EOMES: variants seen among roughly 807,000 people sequenced by gnomAD.
The protein encoded by EOMES is eomesodermin.
Under a neutral mutation model 61.0 loss-of-function variants are expected in EOMES, and 18 were observed. The ratio of observed to expected loss-of-function variants is 0.30; its 90% CI spans 0.20 to 0.44. The LOEUF (loss-of-function observed/expected upper bound fraction) is 0.44. Ranked by LOEUF, EOMES falls within the 20% of genes least tolerant of loss-of-function variation. The pLI is 1.00. For synonymous variants in EOMES, 430 were observed against 394.0 expected, an observed-to-expected ratio of 1.09 and a Z score of -1.08; for missense variants, 885 against 939.2, an observed-to-expected ratio of 0.94 and a Z score of 0.75.
Position 27,717,138 on chromosome 3 carries a change from C to T in EOMES, c.2050G>A (p.Ala684Thr). Residue 684 changes from alanine to threonine, a missense_variant, in exon 6 of 6, where the codon GCT becomes ACT. Transcript: ENST00000449599. This position sits in a 1 kb window ranked among gnomAD's most constrained non-coding sequence, Gnocchi z 4.5. The part of the protein sequence containing the change: ...SPSIKCEDIN[A>T]EEYSKDTSKG... ...GAGGTGTCTTTACTATACTCTTCAG[C>T]ATTAATGTCCTCACACTTTATGGAG... 1 of 1,612,142 alleles carries T rather than the reference C, an allele frequency of 6.2e-7. No homozygotes were observed. Among genetic ancestry groups the T allele is most frequent in the Non-Finnish European group, 8.5e-7 (1 of 1,178,144 alleles).
chr3:27,721,599 C>G lies in EOMES; in HGVS notation c.696G>C (p.Gln232His). ...SGGGGGPGTY[Q>H]YSQGAPLYGP... ...CGTAGAGCGGAGCCCCCTGGCTGTACTGATAGGTGCCCGGGCCGCCGCCCC... is the reference window on the plus strand; with the variant it reads ...CGTAGAGCGGAGCCCCCTGGCTGTAGTGATAGGTGCCCGGGCCGCCGCCCC... The change falls in exon 1 of 6, where the codon CAG becomes CAC. Residue 232 changes from glutamine (Q) to histidine (H), a missense_variant. By Grantham distance (24) the Gln-to-His change is conservative. This residue lies in a region of EOMES where 449 missense variants were observed against 383.6 expected (regional missense o/e 1.17). Transcript: ENST00000449599. The surrounding 1 kb of genome is among the most constrained non-coding windows in gnomAD (Gnocchi z 7.4). 1 of 1,558,026 alleles carries G rather than the reference C, an allele frequency of 6.4e-7. No homozygotes were observed. The highest frequency in any genetic ancestry group is 8.7e-7 in the Non-Finnish European group (1 of 1,154,102).
rs1304773715 is a variant in EOMES at position 27,721,151 on chromosome 3, C to A, written c.881+263G>T. 1.3e-5 allele frequency among the ~76,000 whole-genome samples: 2 copies of A among 152,152 alleles called. No homozygotes were observed. The highest frequency in any genetic ancestry group is 4.8e-5 in the African/African-American group (2 of 41,444). ...ATGCCCTAATTTCCATTTCCGCCTC[C>A]TCCAGGTCTGTTCAGGTGAGGATGA... is the stretch of plus-strand genomic sequence containing the variant. On this transcript the variant is annotated intron_variant, in intron 1 of 5. Coordinates refer to ENST00000449599, the MANE Select transcript of EOMES (RefSeq NM_001278182.2). This position sits in a 1 kb window ranked among gnomAD's most constrained non-coding sequence, Gnocchi z 7.4.
Position 27,721,349 on chromosome 3 carries a change from C to A in EOMES, c.881+65G>T. The A allele has an allele frequency of 7.1e-7, 1 of 1,404,866 alleles. No individual in the cohort carries two copies. The allele number at this position is 1,404,866 out of a possible 1,614,324, so 87.0% of individuals were successfully genotyped here. The stretch of plus-strand genomic sequence containing the variant: ...CTGGGTTCAGCTCCCTCATCCCGGA[C>A]CTTCCCCAGGACCACACGTCACCCT... On this transcript the variant is annotated intron_variant, in intron 1 of 5. Transcript: ENST00000449599. The surrounding 1 kb of genome is among the most constrained non-coding windows in gnomAD (Gnocchi z 7.4).
chr3:27,722,518 A>C (rs968105309), upstream of EOMES: 1 of 1,347,704 alleles, frequency 7.4e-7, no homozygotes, highest in Admixed American at 3.9e-5. Context: ...GTTGGAAAGC[A>C]GGAGGTGGAA....
rs2060610454 is a variant in EOMES, at chr3:27,721,263, ATGCGG to A, written c.881+146_881+150del. 1.6e-6 allele frequency: 1 copy of A among 634,546 alleles called. No individual in the cohort carries two copies. The highest frequency in any genetic ancestry group is 1.8e-5 in the African/African-American group (1 of 54,190). The allele number at this position is 634,546 out of a possible 1,614,324, so 39.3% of individuals were successfully genotyped here. Reference sequence around the variant, plus strand: ...GACACAGAGGGACACCGCATTGGAGATGCGGTGTCTACGGAGATTTATTGCGCGCG... The same window carrying A: ...GACACAGAGGGACACCGCATTGGAGATGTCTACGGAGATTTATTGCGCGCG... On this transcript the variant is annotated intron_variant, in intron 1 of 5. Coordinates refer to ENST00000449599, the MANE Select transcript of EOMES (RefSeq NM_001278182.2). The surrounding 1 kb of genome is among the most constrained non-coding windows in gnomAD (Gnocchi z 7.4).
At chr3:27,720,927 C>T (rs1274697398) in intron 1 of EOMES, among the ~76,000 whole-genome samples, 1 of 152,044 alleles carries the variant, frequency 6.6e-6, no homozygotes, top group Admixed American at 6.5e-5. Flanking sequence ...ACCGAGCTTC[C>T]GAGGCCGGCG....
Position 27,719,495 on chromosome 3 carries a change from A to G in EOMES, c.1037-14T>C, listed in dbSNP as rs779409508. On this transcript the variant is annotated splice_polypyrimidine_tract_variant and intron_variant, in intron 2 of 5. Coordinates refer to ENST00000449599, the MANE Select transcript of EOMES (RefSeq NM_001278182.2). ...ACATTTTGTTGCCTAAGAGAAAATG[A>G]AACAAAACACAAAACCCAAGCATAT... The G allele has an allele frequency of 2.5e-6, 4 of 1,612,226 alleles. No homozygotes were observed. The South Asian group carries it at 4.4e-5, about 18-fold the overall frequency.
At chr3:27,719,519 A>G in intron 2 of EOMES, 38 bp from the exon 3 acceptor site, 3 of 1,599,886 alleles carry the variant, frequency 1.9e-6, no homozygotes, top group Non-Finnish European at 2.6e-6. Context: ...ACCCAAGCAT[A>G]TAGGGCTGTT....
intron 1 of EOMES, among the ~76,000 whole-genome samples, chr3:27,720,643 C>G (rs552741829): frequency 6.4e-4 from 96 of 149,572 alleles, no homozygotes; most frequent in African/African-American, 2.2e-3. Flanking sequence ...CCCTTTCAGA[C>G]GCTCTTAAAA....
chr3:27,722,336 C>G, upstream of EOMES: 1 of 1,465,328 alleles, frequency 6.8e-7, no homozygotes, highest in Non-Finnish European at 9.0e-7. Flanking sequence ...TTCCTCTCCT[C>G]CGGTGGCCTT....
In EOMES at chr3:27,721,935, G is replaced by A. The variant is rs916686138; in HGVS notation, c.360C>T (p.Ala120=). ...GEEELPSAAA[A]AAAAAAAAAA... ...CAGCCGCGGCGGCGGCGGCGGCGGC[G>A]GCTGCAGCGGCGGAGGGCAGCTCCT... The change falls in exon 1 of 6, where the codon GCC becomes GCT. Residue 120 remains alanine, a synonymous_variant. Transcript: ENST00000449599. This position sits in a 1 kb window ranked among gnomAD's most constrained non-coding sequence, Gnocchi z 7.4. 580 of 1,370,354 alleles carry A rather than the reference G, an allele frequency of 4.2e-4. 4 individuals carry two copies. Among genetic ancestry groups the A allele is most frequent in the Non-Finnish European group, 5.2e-4 (562 of 1,073,662 alleles). 84.9% of individuals were successfully genotyped at this position (1,370,354 alleles called of 1,614,324 possible). A position where few individuals can be genotyped will look rare whatever the true frequency, so the allele number is the denominator to read the frequency against.
At position 27,717,036 on chromosome 3, in the gene EOMES, A is replaced by G. The variant is rs774720056; in HGVS notation, c.*34T>C. The G allele has an allele frequency of 2.6e-6, 4 of 1,546,568 alleles. No individual in the cohort carries two copies. The highest frequency in any genetic ancestry group is 1.4e-5 in the African/African-American group (1 of 72,912). On this transcript the variant is annotated 3_prime_UTR_variant, in exon 6 of 6. Transcript: ENST00000449599. This position sits in a 1 kb window ranked among gnomAD's most constrained non-coding sequence, Gnocchi z 4.5. ...AAAACACCACCAAGTCCATCTGCAA[A>G]AAGTTAGCTAATTTTTGAGGTTAAA...
chr3:27,718,314 T>G (rs927308481), intron 5 of EOMES, among the ~76,000 whole-genome samples: 5 of 152,076 alleles, frequency 3.3e-5, no homozygotes, highest in Admixed American at 1.3e-4. Context: ...GAAAGGTATA[T>G]ATAAATGCAG....
rs765210214 is a variant in EOMES at position 27,722,148 on chromosome 3, G to A, written c.147C>T (p.Asp49=). 2.5e-6 allele frequency: 4 copies of A among 1,569,576 alleles called. No individual in the cohort carries two copies. The South Asian group carries it at 4.7e-5, about 18-fold the overall frequency. The part of the protein sequence containing the change: ...AAPSPQKLDL[D]KASKKFSGSL... ...TGCCGGAAAACTTCTTGGACGCTTTGTCTAAGTCCAACTTCTGAGGAGAGG... is the reference window on the plus strand; with the variant it reads ...TGCCGGAAAACTTCTTGGACGCTTTATCTAAGTCCAACTTCTGAGGAGAGG... The change falls in exon 1 of 6, where the codon GAC becomes GAT. Residue 49 remains aspartate, a synonymous_variant. Transcript: ENST00000449599.
At position 27,717,218 on chromosome 3, in the gene EOMES, C is replaced by T; in HGVS notation, c.1970G>A (p.Ser657Asn). The change falls in exon 6 of 6, where the codon AGT becomes AAT. Residue 657 changes from serine (S) to asparagine (N), a missense_variant. Physicochemically the swap from Ser to Asn is conservative, Grantham distance 46 (BLOSUM62 1). This residue lies in a region of EOMES where 259 missense variants were observed against 282.3 expected (regional missense o/e 0.92). Coordinates refer to ENST00000449599, the MANE Select transcript of EOMES (RefSeq NM_001278182.2). This position sits in a 1 kb window ranked among gnomAD's most constrained non-coding sequence, Gnocchi z 4.5. ...AGACAGCCGCCTTCGCTTACAAGCA[C>T]TGGTGTATACTCCTGAATCATTGGA... Reference protein sequence around the residue: ...LDSNDSGVYTSACKRRRLSPS... With the variant: ...LDSNDSGVYTNACKRRRLSPS... The T allele has an allele frequency of 6.2e-7, 1 of 1,613,280 alleles. No homozygotes were observed. Among genetic ancestry groups the T allele is most frequent in the Non-Finnish European group, 8.5e-7 (1 of 1,179,168 alleles).
At position 27,721,346 on chromosome 3, in the gene EOMES, G is replaced by A. The variant is rs1576805303; in HGVS notation, c.881+68C>T. 3.6e-6 allele frequency: 5 copies of A among 1,378,086 alleles called. No individual in the cohort carries two copies. Among genetic ancestry groups the A allele is most frequent in the Non-Finnish European group, 3.0e-6 (3 of 995,032 alleles). 85.4% of individuals were successfully genotyped at this position (1,378,086 alleles called of 1,614,324 possible). ...CAACTGGGTTCAGCTCCCTCATCCCGGACCTTCCCCAGGACCACACGTCAC... is the reference window on the plus strand; with the variant it reads ...CAACTGGGTTCAGCTCCCTCATCCCAGACCTTCCCCAGGACCACACGTCAC... On this transcript the variant is annotated intron_variant, in intron 1 of 5. Transcript: ENST00000449599. This position sits in a 1 kb window ranked among gnomAD's most constrained non-coding sequence, Gnocchi z 7.4.
intron 2 of EOMES, 119 bp from the exon 3 acceptor site, chr3:27,719,600 C>A: frequency 1.1e-6 from 1 of 936,784 alleles, no homozygotes; most frequent in Non-Finnish European, 1.6e-6. Flanking sequence ...TACAGTTGGT[C>A]TCCCAGTAAA....
rs753378588 is a variant in EOMES at position 27,717,275 on chromosome 3, A to G, written c.1913T>C (p.Ile638Thr). The change falls in exon 6 of 6, where the codon ATA becomes ACA. Residue 638 changes from isoleucine (I) to threonine (T), a missense_variant. Ile to Thr is a moderately conservative substitution (Grantham distance 89). Transcript: ENST00000449599. This position sits in a 1 kb window ranked among gnomAD's most constrained non-coding sequence, Gnocchi z 4.5. ...KVKEEIGSSW[I>T]ETPPSIKSLD... Reference sequence around the variant, plus strand: ...AGATTTGATGGAAGGGGGTGTCTCTATCCAAGAAGAGCCAATTTCCTCTTT... The same window carrying G: ...AGATTTGATGGAAGGGGGTGTCTCTGTCCAAGAAGAGCCAATTTCCTCTTT... 1 of 1,613,646 alleles carries G rather than the reference A, an allele frequency of 6.2e-7. No homozygotes were observed. The highest frequency in any genetic ancestry group is 1.7e-5 in the Admixed American group (1 of 60,032).
chr3:27,717,802 G>T lies in EOMES; in HGVS notation c.1386C>A (p.Tyr462Ter). 1 of 1,572,956 alleles carries T rather than the reference G, an allele frequency of 6.4e-7. No individual in the cohort carries two copies. Among genetic ancestry groups the T allele is most frequent in the Non-Finnish European group, 8.7e-7 (1 of 1,148,430 alleles). ...TTAACCTGTCATTTTCTGAAGCGGT[G>T]TACATGCTACAATATAAAGAGAAAC... ...KGFRDNYDSM[Y>*]TASENDRLTP... Residue 462 changes from tyrosine to a stop codon, truncating the protein, a stop_gained, in exon 6 of 6, where the codon TAC becomes TAA. Coordinates refer to ENST00000449599, the MANE Select transcript of EOMES (RefSeq NM_001278182.2). LOFTEE classifies it high-confidence loss of function. This position sits in a 1 kb window ranked among gnomAD's most constrained non-coding sequence, Gnocchi z 4.5.
Sources: gnomAD v4.1 joint callset for allele counts (sites outside exome capture counted in the v4.1 genomes callset) on GRCh38, gnomAD v4.1.1 for gene constraint, gnomAD v4.1.1 regional missense constraint, Gnocchi (gnomAD v3.1) non-coding constraint, MANE v1.5 for transcripts, NCBI Gene and HGNC (gene_info 2026-07-23, HGNC 2026-07-21) for gene names.